The following FOXP2 variants were observed in gnomAD, a reference collection of about 807,000 sequenced individuals.
FOXP2 encodes the protein forkhead box protein P2.
FOXP2 carries 12 observed loss-of-function variants against 115.8 expected under a neutral mutation model. The ratio of observed to expected loss-of-function variants is 0.10; its 90% confidence interval spans 0.07 to 0.17. FOXP2 has a LOEUF of 0.17. Ranked by LOEUF, FOXP2 falls within the 10% of genes least tolerant of loss-of-function variation. FOXP2 has a pLI of 1.00. For synonymous variants in FOXP2, 328 were observed against 297.7 expected, an observed-to-expected ratio of 1.10 and a Z score of -1.05; for missense variants, 629 against 843.5, an observed-to-expected ratio of 0.75 and a Z score of 3.15.
Position 114,309,839 on chromosome 7 carries a change from T to A in FOXP2, c.-11+21730T>A, listed in dbSNP as rs565516430. 3.8e-3 allele frequency among the ~76,000 whole-genome samples: 577 copies of A among 151,818 alleles called. 1 individual carries two copies. The highest frequency in any genetic ancestry group is 5.1e-3 in the Non-Finnish European group (343 of 67,916). ...GCCACCACACTCAACTCTTTTTTTTTTTTTTTTTAGATATGGGGGCTTGCT... is the reference window on the plus strand; with the variant it reads ...GCCACCACACTCAACTCTTTTTTTTATTTTTTTTAGATATGGGGGCTTGCT... On this transcript the variant is annotated intron_variant, in intron 2 of 17. Transcript: ENST00000634411.
intron 3 of FOXP2, among the ~76,000 whole-genome samples, chr7:114,605,291 A>G (rs1489054255): frequency 6.6e-6 from 1 of 152,204 alleles, no homozygotes; most frequent in Non-Finnish European, 1.5e-5. Flanking sequence ...TCATTTCTAT[A>G]TGAAATATGA....
At chr7:114,506,191 C>A (rs1480807719) in intron 2 of FOXP2, among the ~76,000 whole-genome samples, 1 of 151,630 alleles carries the variant, frequency 6.6e-6, no homozygotes, top group Non-Finnish European at 1.5e-5. Flanking sequence ...GAGACATGAA[C>A]AATGACACTG....
chr7:114,450,271 A>G (rs1325059090), intron 2 of FOXP2, among the ~76,000 whole-genome samples: 1 of 152,088 alleles, frequency 6.6e-6, no homozygotes, highest in African/African-American at 2.4e-5. Flanking sequence ...CAGGGAAGGT[A>G]TAAGATGCCT....
At chr7:114,490,337 T>A (rs1421441990) in intron 2 of FOXP2, among the ~76,000 whole-genome samples, 2 of 152,150 alleles carry the variant, frequency 1.3e-5, no homozygotes, top group Non-Finnish European at 2.9e-5. Context: ...TACTATATGA[T>A]TCCAACTGTA....
intron 1 of FOXP2, among the ~76,000 whole-genome samples, chr7:114,208,245 C>A (rs1794251063): frequency 6.6e-6 from 1 of 152,160 alleles, no homozygotes; most frequent in Non-Finnish European, 1.5e-5. Context: ...GACCTGGAGT[C>A]AAAGGAGATC....
intron 3 of FOXP2, among the ~76,000 whole-genome samples, chr7:114,586,139 C>T (rs1170866925): frequency 2.0e-5 from 3 of 152,078 alleles, no homozygotes; most frequent in African/African-American, 7.2e-5. Flanking sequence ...ATACAACTAA[C>T]TTGCTTGACC....
chr7:114,345,316 C>G (rs1326435845), intron 2 of FOXP2, among the ~76,000 whole-genome samples: 1 of 151,696 alleles, frequency 6.6e-6, no homozygotes, highest in Non-Finnish European at 1.5e-5. Context: ...TGAGGGAAAT[C>G]ATTTTATGAT....
chr7:114,545,681 A>T (rs1229918688), intron 3 of FOXP2, among the ~76,000 whole-genome samples: 1 of 152,142 alleles, frequency 6.6e-6, no homozygotes, highest in Non-Finnish European at 1.5e-5. Context: ...TGGTTTTTAC[A>T]TGTTATATGA....
intron 2 of FOXP2, among the ~76,000 whole-genome samples, chr7:114,442,132 A>G (rs1275152108): frequency 1.3e-5 from 2 of 152,212 alleles, no homozygotes; most frequent in Non-Finnish European, 2.9e-5. Flanking sequence ...GTATTACAAA[A>G]CAAATATTAT....
chr7:114,215,232 T>G (rs1794456526), intron 1 of FOXP2, among the ~76,000 whole-genome samples: 1 of 152,122 alleles, frequency 6.6e-6, no homozygotes, highest in South Asian at 2.1e-4. Context: ...TGTTTTATCG[T>G]GGGGAAGGAA....
intron 1 of FOXP2, among the ~76,000 whole-genome samples, chr7:114,259,701 A>T (rs1443626081): frequency 6.6e-6 from 1 of 152,194 alleles, no homozygotes; most frequent in East Asian, 1.9e-4. Flanking sequence ...AAAAAAGATA[A>T]ATCTTAATAT....
At chr7:114,195,457 A>G (rs1340940905) in intron 1 of FOXP2, among the ~76,000 whole-genome samples, 1 of 152,168 alleles carries the variant, frequency 6.6e-6, no homozygotes, top group Non-Finnish European at 1.5e-5. Flanking sequence ...ACAGCTTTAT[A>G]TATGTGTATG....
At chr7:114,364,857 C>T (rs1336033346) in intron 2 of FOXP2, among the ~76,000 whole-genome samples, 1 of 152,116 alleles carries the variant, frequency 6.6e-6, no homozygotes, top group Non-Finnish European at 1.5e-5. Context: ...ACATCTCTTA[C>T]TCTGCATTTA....
chr7:114,692,140 T>C lies in FOXP2; in HGVS notation c.*2214T>C. ...GTCATCTAGGATCCTACTGTAAGGATTATCTGAAAGGAAAAATGGGTCTTT... is the reference window on the plus strand; with the variant it reads ...GTCATCTAGGATCCTACTGTAAGGACTATCTGAAAGGAAAAATGGGTCTTT... On this transcript the variant is annotated 3_prime_UTR_variant, in exon 17 of 17. Coordinates refer to ENST00000350908, the MANE Select transcript of FOXP2 (RefSeq NM_014491.4). 2.2e-6 allele frequency: 1 copy of C among 453,866 alleles called. No individual in the cohort carries two copies. The highest frequency in any genetic ancestry group is 4.4e-6 in the Non-Finnish European group (1 of 226,710). The allele number at this position is 453,866 out of a possible 1,614,324, so 28.1% of individuals were successfully genotyped here.
At chr7:114,431,928 GAAGGA>G (rs1794130172) in intron 2 of FOXP2, among the ~76,000 whole-genome samples, 1 of 151,862 alleles carries the variant, frequency 6.6e-6, no homozygotes, top group African/African-American at 2.4e-5. Flanking sequence ...CTGTTGAACT[GAAGGA>G]AAGAAGTCTG....
chr7:114,390,525 T>TTTATTTAC (rs1554382710), intron 2 of FOXP2, among the ~76,000 whole-genome samples: 1 of 150,980 alleles, frequency 6.6e-6, no homozygotes, highest in Non-Finnish European at 1.5e-5. Flanking sequence ...TATTTATGTA[T>TTTATTTAC]TTATTTATTT....
chr7:114,689,408 T>C (rs916583685), intron 16 of FOXP2, among the ~76,000 whole-genome samples: 1 of 152,194 alleles, frequency 6.6e-6, no homozygotes, highest in African/African-American at 2.4e-5. Context: ...AGCAAAAAAC[T>C]GAATGGTAAA....
At chr7:114,219,432 T>G (rs1686478591) in intron 1 of FOXP2, among the ~76,000 whole-genome samples, 1 of 152,094 alleles carries the variant, frequency 6.6e-6, no homozygotes, top group Non-Finnish European at 1.5e-5. Context: ...CTTAGAGTGG[T>G]CATGTCAAAA....
At chr7:114,523,776 G>A (rs929720130) in intron 2 of FOXP2, among the ~76,000 whole-genome samples, 10 of 152,162 alleles carry the variant, frequency 6.6e-5, no homozygotes, top group Admixed American at 2.0e-4. Flanking sequence ...CCTCGTGAGC[G>A]TTCCTTCTCA....
Sources: allele counts gnomAD v4.1 joint callset (sites outside exome capture counted in the v4.1 genomes callset), GRCh38; gene constraint gnomAD v4.1.1; transcripts MANE v1.5; gene names NCBI Gene and HGNC (gene_info 2026-07-23, HGNC 2026-07-21).